VSNL1: variants seen among roughly 807,000 people sequenced by gnomAD.
The protein encoded by VSNL1 is visinin-like protein 1.
Under a neutral mutation model 20.4 loss-of-function variants are expected in VSNL1, and 6 were observed. The ratio of observed to expected loss-of-function variants is 0.29; its 90% CI spans 0.16 to 0.58. The LOEUF (loss-of-function observed/expected upper bound fraction) is 0.58. Among genes scored for constraint, VSNL1 ranks in the 20% least tolerant of loss-of-function variants. VSNL1 has a pLI of 0.90. For missense variants in VSNL1, 100 were observed against 234.5 expected, an observed-to-expected ratio of 0.43 and a Z score of 3.75; for synonymous variants, 93 against 86.4, an observed-to-expected ratio of 1.08 and a Z score of -0.42.
chr2:17,633,303 G>A (rs1373611998), intron 2 of VSNL1, among the ~76,000 whole-genome samples: 1 of 149,828 alleles, frequency 6.7e-6, no homozygotes, highest in African/African-American at 2.5e-5. Flanking sequence ...TGAGATCTGG[G>A]TGGAGACACA....
intron 2 of VSNL1, among the ~76,000 whole-genome samples, chr2:17,615,707 G>A (rs918221654): frequency 1.6e-4 from 25 of 152,246 alleles, no homozygotes; most frequent in African/African-American, 5.1e-4. Flanking sequence ...TCTCTCCCTC[G>A]TGAATACAAG....
In VSNL1 at chr2:17,649,247, C is replaced by T. The variant is rs1159610356; in HGVS notation, c.163-163C>T. Among the ~76,000 whole-genome samples, 1 of 152,218 alleles carries T rather than the reference C, an allele frequency of 6.6e-6. No individual in the cohort carries two copies. The highest frequency in any genetic ancestry group is 2.4e-5 in the African/African-American group (1 of 41,454). On this transcript the variant is annotated intron_variant, in intron 2 of 3. Coordinates refer to ENST00000295156, the MANE Select transcript of VSNL1 (RefSeq NM_003385.5). This position sits in a 1 kb window ranked among gnomAD's most constrained non-coding sequence, Gnocchi z 6.4. ...GAGCACCTGCTGTGAGAAAGCCTCC[C>T]CTAATGCCTGCCCTTGCCCTTGACA...
At chr2:17,569,314 A>C (rs530325716) in intron 1 of VSNL1, among the ~76,000 whole-genome samples, 2 of 150,704 alleles carry the variant, frequency 1.3e-5, no homozygotes, top group African/African-American at 4.9e-5. Context: ...CTCAAAAAAA[A>C]AATAAAAATA....
chr2:17,554,797 A>G (rs1364366375), intron 1 of VSNL1, among the ~76,000 whole-genome samples: 1 of 152,184 alleles, frequency 6.6e-6, no homozygotes, highest in Non-Finnish European at 1.5e-5. Flanking sequence ...CCTGCAATCT[A>G]TTACTAAGTT....
chr2:17,595,488 G>A (rs1235746814), intron 2 of VSNL1, among the ~76,000 whole-genome samples: 1 of 152,230 alleles, frequency 6.6e-6, no homozygotes, highest in East Asian at 1.9e-4. Flanking sequence ...ATGCAGTGAT[G>A]AGAGGAAGAC....
intron 1 of VSNL1, among the ~76,000 whole-genome samples, chr2:17,558,160 C>T (rs62131504): frequency 0.029 from 4,457 of 152,182 alleles, 64 homozygotes; most frequent in Middle Eastern, 0.054. Context: ...CAGGAGAATA[C>T]TTTGAAATGC....
chr2:17,606,240 A>G (rs1664941573), intron 2 of VSNL1, among the ~76,000 whole-genome samples: 1 of 152,166 alleles, frequency 6.6e-6, no homozygotes, highest in African/African-American at 2.4e-5. Context: ...TCAGATTTAA[A>G]ACATTGACAT....
intron 1 of VSNL1, among the ~76,000 whole-genome samples, chr2:17,550,477 C>T (rs770187480): frequency 3.3e-5 from 5 of 152,120 alleles, no homozygotes; most frequent in Non-Finnish European, 5.9e-5. Context: ...CATGTCTTGG[C>T]TTCCAAAGAG....
chr2:17,615,582 C>A (rs1213707524), intron 2 of VSNL1, among the ~76,000 whole-genome samples: 2 of 152,242 alleles, frequency 1.3e-5, no homozygotes, highest in African/African-American at 2.4e-5. Context: ...CTGAATCCAG[C>A]AAACAGTGGT....
At chr2:17,540,207 G>A (rs1663245988), upstream of VSNL1, 4 of 152,520 alleles carry the variant, frequency 2.6e-5, no homozygotes, top group South Asian at 2.1e-4. Context: ...AGCTTGCTGG[G>A]AAGTCTTCTT....
At chr2:17,577,601 A>G (rs1228813777) in intron 1 of VSNL1, among the ~76,000 whole-genome samples, 3 of 152,114 alleles carry the variant, frequency 2.0e-5, no homozygotes, top group Non-Finnish European at 2.9e-5. Flanking sequence ...TTGTTTCTCC[A>G]GGCTAAACAT....
intron 1 of VSNL1, among the ~76,000 whole-genome samples, chr2:17,551,225 C>G (rs539327849): frequency 6.6e-6 from 1 of 152,234 alleles, no homozygotes; most frequent in Non-Finnish European, 1.5e-5. Flanking sequence ...TTCTCTGCCC[C>G]CTCCCTAGAA....
chr2:17,630,166 G>A (rs541314673), intron 2 of VSNL1, among the ~76,000 whole-genome samples: 2 of 152,240 alleles, frequency 1.3e-5, no homozygotes, highest in Admixed American at 6.5e-5. Context: ...GCTTTCAACT[G>A]TCTTTGCCTT....
At chr2:17,619,429 A>G (rs1255119230) in intron 2 of VSNL1, among the ~76,000 whole-genome samples, 1 of 152,170 alleles carries the variant, frequency 6.6e-6, no homozygotes, top group Non-Finnish European at 1.5e-5. Context: ...TTCAGTTTTT[A>G]AAAGGAGACA....
chr2:17,640,266 A>AAG (rs1553304632), intron 2 of VSNL1, among the ~76,000 whole-genome samples: 16 of 151,534 alleles, frequency 1.1e-4, no homozygotes, highest in Non-Finnish European at 1.6e-4. Context: ...AAAAAAAAAA[A>AAG]AAAGAAAGAA....
intron 2 of VSNL1, among the ~76,000 whole-genome samples, chr2:17,642,069 C>T (rs1195475359): frequency 2.6e-5 from 4 of 152,060 alleles, no homozygotes; most frequent in African/African-American, 4.8e-5. Context: ...TCCAGGGAAA[C>T]GAAAGTCCCA....
intron 2 of VSNL1, among the ~76,000 whole-genome samples, chr2:17,599,962 G>A (rs1272821847): frequency 6.6e-6 from 1 of 152,094 alleles, no homozygotes; most frequent in Non-Finnish European, 1.5e-5. Flanking sequence ...ATCTTTCCAG[G>A]ATCAGTTCAA....
chr2:17,571,096 A>AT (rs1278318530), intron 1 of VSNL1, among the ~76,000 whole-genome samples: 4 of 152,174 alleles, frequency 2.6e-5, no homozygotes, highest in African/African-American at 9.6e-5. Context: ...AACTTGGTTG[A>AT]TTAAAAACCT....
chr2:17,650,192 C>T (rs1406220116), intron 3 of VSNL1, among the ~76,000 whole-genome samples: 1 of 152,318 alleles, frequency 6.6e-6, no homozygotes, highest in South Asian at 2.1e-4. Flanking sequence ...GCATGCCCTC[C>T]CCTGGCCTCT....
Sources: allele counts gnomAD v4.1 joint callset (sites outside exome capture counted in the v4.1 genomes callset), GRCh38; gene constraint gnomAD v4.1.1; non-coding constraint Gnocchi (gnomAD v3.1); transcripts MANE v1.5; gene names NCBI Gene and HGNC (gene_info 2026-07-23, HGNC 2026-07-21).